PDLIM5: variants seen among roughly 807,000 people sequenced by gnomAD.
PDLIM5 encodes the protein PDZ and LIM domain 5, also known as PDZ and LIM domain protein 5.
PDLIM5 carries 34 observed loss-of-function variants against 64.2 expected under a neutral mutation model. The ratio of observed to expected loss-of-function variants is 0.53; its 90% CI spans 0.40 to 0.71. The LOEUF (loss-of-function observed/expected upper bound fraction) is 0.71. Ranked by LOEUF, PDLIM5 falls within the 30% of genes least tolerant of loss-of-function variation. The pLI is 0.00. For missense variants in PDLIM5, 683 were observed against 733.6 expected (o/e 0.93, Z 0.80); for synonymous variants, 253 against 269.1 (o/e 0.94, Z 0.59).
At chr4:94,586,921 C>T in intron 7 of PDLIM5, 1 of 1,344,730 alleles carries the variant, frequency 7.4e-7, no homozygotes, top group South Asian at 1.4e-5. Flanking sequence ...AGTCTAGAAC[C>T]TTTTTCCTTC....
At chr4:94,654,751 C>A in intron 10 of PDLIM5, 111 bp downstream of exon 10, 1 of 694,940 alleles carries the variant, frequency 1.4e-6, no homozygotes, top group Non-Finnish European at 2.5e-6. Context: ...TTTATGCCCT[C>A]TCTGCTTTCG....
chr4:94,605,572 T>C (rs1180847921), intron 7 of PDLIM5, among the ~76,000 whole-genome samples: 1 of 152,188 alleles, frequency 6.6e-6, no homozygotes, highest in Non-Finnish European at 1.5e-5. Context: ...CACTGGGGAA[T>C]GTCAGAATGA....
intron 3 of PDLIM5, among the ~76,000 whole-genome samples, chr4:94,550,544 A>G (rs896141631): frequency 2.6e-5 from 4 of 152,216 alleles, no homozygotes; most frequent in African/African-American, 9.6e-5. Flanking sequence ...TTGGTGTATT[A>G]TCTCTAGTAG....
intron 8 of PDLIM5, among the ~76,000 whole-genome samples, chr4:94,619,429 A>G (rs1453944693): frequency 6.6e-6 from 1 of 151,084 alleles, no homozygotes; most frequent in African/African-American, 2.4e-5. Flanking sequence ...TCACGAGGTC[A>G]GGAGATCTAG....
At position 94,502,687 on chromosome 4, in the gene PDLIM5, A is replaced by C. The variant is rs377689206; in HGVS notation, c.97-21037A>C. Among the ~76,000 whole-genome samples the C allele has an allele frequency of 3.3e-5, 5 of 152,012 alleles. No homozygotes were observed. In the East Asian group the frequency reaches 5.8e-4, roughly 18 times the overall value. On this transcript the variant is annotated intron_variant, in intron 2 of 12. Transcript: ENST00000317968. ...AGGTCAGGAGTGCTAGACCAGCCTG[A>C]CCAGCATGGTGAAACCCCATCTCTA...
chr4:94,553,217 T>A (rs906978733), intron 3 of PDLIM5, among the ~76,000 whole-genome samples: 2 of 152,092 alleles, frequency 1.3e-5, no homozygotes, highest in Non-Finnish European at 2.9e-5. Context: ...CAAGCAATTC[T>A]CCAGCCACAG....
At chr4:94,480,174 T>G (rs1364254935) in intron 2 of PDLIM5, among the ~76,000 whole-genome samples, 3 of 152,258 alleles carry the variant, frequency 2.0e-5, no homozygotes, top group African/African-American at 7.2e-5. Context: ...TAGTGTTAAG[T>G]AATTCTAGAT....
intron 8 of PDLIM5, among the ~76,000 whole-genome samples, chr4:94,622,308 A>G (rs1739299628): frequency 6.6e-6 from 1 of 151,766 alleles, no homozygotes; most frequent in East Asian, 1.9e-4. Flanking sequence ...AGCTTAGGTA[A>G]ATTTAGTTCA....
At chr4:94,556,607 G>A (rs1217800215) in intron 3 of PDLIM5, among the ~76,000 whole-genome samples, 1 of 152,198 alleles carries the variant, frequency 6.6e-6, no homozygotes, top group Admixed American at 6.6e-5. Context: ...TCTAATTGGT[G>A]TGAGATGATA....
intron 2 of PDLIM5, among the ~76,000 whole-genome samples, chr4:94,499,874 G>A (rs377007567): frequency 1.1e-4 from 17 of 152,256 alleles, no homozygotes; most frequent in South Asian, 2.1e-4. Context: ...TTGCAGGCTC[G>A]TTATGAGAAT....
At chr4:94,521,472 A>G (rs1291258960) in intron 2 of PDLIM5, among the ~76,000 whole-genome samples, 2 of 152,076 alleles carry the variant, frequency 1.3e-5, no homozygotes, top group Non-Finnish European at 2.9e-5. Flanking sequence ...TACTTAAGGA[A>G]GAGGCAGAAT....
chr4:94,657,913 C>T (rs1742338925), intron 11 of PDLIM5, among the ~76,000 whole-genome samples: 1 of 152,154 alleles, frequency 6.6e-6, no homozygotes, highest in Non-Finnish European at 1.5e-5. Context: ...GTCATGTTGG[C>T]CCGGCTGGTC....
chr4:94,584,892 T>G, intron 5 of PDLIM5: 3 of 801,064 alleles, frequency 3.7e-6, no homozygotes, highest in Non-Finnish European at 6.2e-6. Context: ...GGACTTTCAT[T>G]TTCTAGTTGT....
chr4:94,622,644 C>T (rs1396945658), intron 8 of PDLIM5, among the ~76,000 whole-genome samples: 1 of 143,892 alleles, frequency 6.9e-6, no homozygotes. Flanking sequence ...CTCCTTCCCT[C>T]CCTCTCTCCC....
At chr4:94,627,490 T>C (rs1341328007) in intron 8 of PDLIM5, among the ~76,000 whole-genome samples, 3 of 152,216 alleles carry the variant, frequency 2.0e-5, no homozygotes, top group Non-Finnish European at 4.4e-5. Flanking sequence ...ATGCTTTTCA[T>C]AAAGAATTGT....
At chr4:94,649,021 G>A (rs140358952) in intron 9 of PDLIM5, among the ~76,000 whole-genome samples, 8 of 151,728 alleles carry the variant, frequency 5.3e-5, no homozygotes, top group East Asian at 2.0e-4. Flanking sequence ...TGTTGCTGAC[G>A]CTGGAGTGCA....
At chr4:94,454,615 T>A (rs1723160153) in intron 1 of PDLIM5, among the ~76,000 whole-genome samples, 1 of 152,212 alleles carries the variant, frequency 6.6e-6, no homozygotes, top group Non-Finnish European at 1.5e-5. Flanking sequence ...TCGTTGACTA[T>A]CTGAAGGAAA....
chr4:94,504,002 A>G (rs1027950713), intron 2 of PDLIM5, among the ~76,000 whole-genome samples: 1 of 152,222 alleles, frequency 6.6e-6, no homozygotes, highest in Non-Finnish European at 1.5e-5. Context: ...TTTAGAAATA[A>G]TACAATACCC....
intron 2 of PDLIM5, among the ~76,000 whole-genome samples, chr4:94,508,602 GA>G (rs921770224): frequency 6.6e-6 from 1 of 152,194 alleles, no homozygotes; most frequent in African/African-American, 2.4e-5. Flanking sequence ...CTGATAGGAG[GA>G]ACCAGGAGTT....
Sources: allele counts gnomAD v4.1 joint callset (sites outside exome capture counted in the v4.1 genomes callset), GRCh38; gene constraint gnomAD v4.1.1; transcripts MANE v1.5; gene names NCBI Gene and HGNC (gene_info 2026-07-23, HGNC 2026-07-21).